The following POLD1 variants were observed in gnomAD, a reference collection of about 807,000 sequenced individuals.
POLD1 encodes the protein DNA polymerase delta catalytic subunit.
POLD1 carries 79 observed loss-of-function variants against 129.7 expected under a neutral mutation model. That is an observed-to-expected ratio of 0.61 (90% CI 0.51 to 0.73). The LOEUF is 0.73. Among genes scored for constraint, POLD1 ranks in the 30% least tolerant of loss-of-function variants. The pLI, the probability that POLD1 is intolerant of heterozygous loss-of-function variation, is 0.00. For missense variants in POLD1, 1,338 were observed against 1,595.8 expected (o/e 0.84, Z 2.75); for synonymous variants, 714 against 683.3 (o/e 1.04, Z -0.70).
chr19:50,415,886 G>T, intron 22 of POLD1, 60 bp downstream of exon 22: 1 of 1,251,502 alleles, frequency 8.0e-7, no homozygotes, highest in South Asian at 1.5e-5. Flanking sequence ...TCTGCTTTCC[G>T]AGATGGGCGG....
intron 3 of POLD1, among the ~76,000 whole-genome samples, chr19:50,400,338 A>ACT (rs1388502817): frequency 1.4e-5 from 2 of 144,750 alleles, no homozygotes; most frequent in African/African-American, 5.2e-5. Flanking sequence ...CTTCTTCCTC[A>ACT]GCCTCCCAAG....
intron 10 of POLD1, among the ~76,000 whole-genome samples, 180 bp downstream of exon 10, chr19:50,403,777 C>G (rs1001785033): frequency 1.3e-5 from 2 of 152,318 alleles, no homozygotes; most frequent in Non-Finnish European, 2.9e-5. Context: ...GAAAAAGTTA[C>G]TGTGGCTTTT....
Position 50,415,252 on chromosome 19 carries a change from C to T in POLD1, c.2565-186C>T, listed in dbSNP as rs565945790. Reference sequence around the variant, plus strand: ...TCGGTGGTGAAGCAGTGGAAAGAGTCGGCTTGGGCAGCTGTGGGTTCAGGC... The same window carrying T: ...TCGGTGGTGAAGCAGTGGAAAGAGTTGGCTTGGGCAGCTGTGGGTTCAGGC... On this transcript the variant is annotated intron_variant, in intron 20 of 26. Transcript: ENST00000440232. 9.9e-5 allele frequency among the ~76,000 whole-genome samples: 15 copies of T among 152,270 alleles called. No homozygotes were observed. In the South Asian group the frequency reaches 2.5e-3, roughly 25 times the overall value.
chr19:50,406,302 G>A lies in POLD1; in HGVS notation c.1363G>A (p.Val455Met), dbSNP rs762670703. Residue 455 changes from valine to methionine, a missense_variant, in exon 11 of 27, where the codon GTG (valine) becomes ATG (methionine). Around this residue, in one of 3 missense-constraint regions of POLD1, gnomAD observed 720 missense variants for 1,002.6 expected, o/e 0.72. Transcript: ENST00000440232. This position sits in a 1 kb window ranked among gnomAD's most constrained non-coding sequence, Gnocchi z 5.5. ...DTKVVSMVGR[V>M]QMDMLQVLLR... ...CAAGGTTGTCAGCATGGTGGGCCGC[G>A]TGCAGATGGACATGCTGCAGGTATG... 1.3e-5 allele frequency: 21 copies of A among 1,613,852 alleles called. No homozygotes were observed. Among genetic ancestry groups the A allele is most frequent in the South Asian group, 3.3e-5 (3 of 91,094 alleles).
intron 17 of POLD1, among the ~76,000 whole-genome samples, chr19:50,410,533 CAGAG>C (rs3219412): frequency 0.01 from 1,543 of 152,244 alleles, 20 homozygotes; most frequent in African/African-American, 0.035. Flanking sequence ...TAGAAGTACT[CAGAG>C]AGCAGAAAAG....
At chr19:50,417,357 C>T (rs879769322) in intron 26 of POLD1, 88 bp downstream of exon 26, 1 of 830,870 alleles carries the variant, frequency 1.2e-6, no homozygotes, top group Non-Finnish European at 1.9e-6. Context: ...GACTCCAAGG[C>T]CTCTCCTGAG....
intron 24 of POLD1, 115 bp from the exon 25 acceptor site, chr19:50,416,930 C>A: frequency 8.2e-7 from 1 of 1,216,320 alleles, no homozygotes; most frequent in South Asian, 1.5e-5. Flanking sequence ...CACACTTGCT[C>A]CGTTGTTCTC....
chr19:50,402,238 C>A lies in POLD1; in HGVS notation c.623C>A (p.Pro208Gln), dbSNP rs774030917. The A allele has an allele frequency of 1.3e-6, 2 of 1,592,618 alleles. No individual in the cohort carries two copies. Among genetic ancestry groups the A allele is most frequent in the Admixed American group, 3.4e-5 (2 of 58,014 alleles). The part of the protein sequence containing the change: ...MFGYHGHGPS[P>Q]FLRITVALPR... ...GGGTACCACGGGCACGGCCCCTCCCCGTTCCTGCGCATCACCGTGGCGCTG... is the reference window on the plus strand; with the variant it reads ...GGGTACCACGGGCACGGCCCCTCCCAGTTCCTGCGCATCACCGTGGCGCTG... Residue 208 changes from proline to glutamine, a missense_variant, in exon 6 of 27, where the codon CCG becomes CAG. Coordinates refer to ENST00000440232, the MANE Select transcript of POLD1 (RefSeq NM_002691.4).
intron 10 of POLD1, among the ~76,000 whole-genome samples, chr19:50,405,323 G>A (rs537373254): frequency 1.3e-5 from 2 of 152,352 alleles, no homozygotes; most frequent in African/African-American, 4.8e-5. Context: ...TACATTCTGA[G>A]GTGCCGGGGG....
chr19:50,408,086 C>T (rs1467273623), intron 14 of POLD1, among the ~76,000 whole-genome samples: 1 of 150,500 alleles, frequency 6.6e-6, no homozygotes, highest in African/African-American at 2.4e-5. Flanking sequence ...TAATCAATCC[C>T]AGCACTTTGG....
chr19:50,402,919 G>C, intron 8 of POLD1, 134 bp from the exon 9 acceptor site: 1 of 1,350,002 alleles, frequency 7.4e-7, no homozygotes, highest in South Asian at 1.4e-5. Context: ...GGTGAGAGCA[G>C]AGCAGGAGCC....
Position 50,417,827 on chromosome 19 carries a change from T to TGCCCCC in POLD1, c.3219-14_3219-9dup, listed in dbSNP as rs2122520630. 1 of 1,551,996 alleles carries TGCCCCC rather than the reference T, an allele frequency of 6.4e-7. No individual in the cohort carries two copies. The highest frequency in any genetic ancestry group is 8.8e-7 in the Non-Finnish European group (1 of 1,137,764). On this transcript the variant is annotated splice_polypyrimidine_tract_variant and intron_variant, in intron 26 of 26. Coordinates refer to ENST00000440232, the MANE Select transcript of POLD1 (RefSeq NM_002691.4). ...CCTTGGCTGGTCCTGACCCTGCCCCTGCCCCCACCCGCAGCCGGGACTGCC... is the reference window on the plus strand; with the variant it reads ...CCTTGGCTGGTCCTGACCCTGCCCCTGCCCCCGCCCCCACCCGCAGCCGGGACTGCC...
At chr19:50,390,802 C>T (rs577380365) in intron 1 of POLD1, among the ~76,000 whole-genome samples, 116 of 152,226 alleles carry the variant, frequency 7.6e-4, no homozygotes, top group Non-Finnish European at 1.2e-3. Flanking sequence ...TGCCTTCAAG[C>T]ATCTGTTTAA....
intron 17 of POLD1, among the ~76,000 whole-genome samples, chr19:50,412,843 C>T (rs1274605): frequency 0.033 from 5,012 of 152,210 alleles, 277 homozygotes; most frequent in African/African-American, 0.11. Context: ...CTCCTGACCT[C>T]AAGTGATCCA....
At position 50,417,915 on chromosome 19, in the gene POLD1, C is replaced by T. The variant is rs1445817375; in HGVS notation, c.3292C>T (p.Arg1098Cys). ...DLEDQEQLLR[R>C]FGPPGPEAW ...GGAAGACCAGGAGCAGCTCCTGCGG[C>T]GCTTCGGACCCCCTGGACCTGAGGC... The change falls in exon 27 of 27, where the codon CGC becomes TGC. Residue 1098 changes from arginine to cysteine, a missense_variant. Around this residue, in one of 3 missense-constraint regions of POLD1, gnomAD observed 286 missense variants for 277.5 expected, o/e 1.03. Coordinates refer to ENST00000440232, the MANE Select transcript of POLD1 (RefSeq NM_002691.4). 16 of 1,610,876 alleles carry T rather than the reference C, an allele frequency of 9.9e-6. No individual in the cohort carries two copies. The highest frequency in any genetic ancestry group is 2.2e-5 in the East Asian group (1 of 44,824).
chr19:50,414,802 G>A lies in POLD1; in HGVS notation c.2389-13G>A, dbSNP rs2039212946. 6.6e-7 allele frequency: 1 copy of A among 1,517,558 alleles called. No individual in the cohort carries two copies. The highest frequency in any genetic ancestry group is 8.9e-7 in the Non-Finnish European group (1 of 1,125,334). 94.0% of individuals were successfully genotyped at this position (1,517,558 alleles called of 1,614,324 possible). A position where few individuals can be genotyped will look rare whatever the true frequency, so the allele number is the denominator to read the frequency against. On this transcript the variant is annotated splice_polypyrimidine_tract_variant and intron_variant, in intron 19 of 26. Transcript: ENST00000440232. ...TCCTCAGGCTCAGGGTCTTGGCCATGGCTCCCTCCCAGGTCTACTTCCCAT... is the reference window on the plus strand; with the variant it reads ...TCCTCAGGCTCAGGGTCTTGGCCATAGCTCCCTCCCAGGTCTACTTCCCAT...
At chr19:50,395,617 G>A (rs1437417290) in intron 1 of POLD1, among the ~76,000 whole-genome samples, 1 of 151,760 alleles carries the variant, frequency 6.6e-6, no homozygotes, top group Non-Finnish European at 1.5e-5. Flanking sequence ...AAGAACACCT[G>A]CACGCCCTTT....
In POLD1 at chr19:50,409,143, C is replaced by T. The variant is rs2039003508; in HGVS notation, c.1914C>T (p.Ile638=). The stretch of plus-strand genomic sequence containing the variant: ...CCAGCCTGACTGAGGATCAGTTCAT[C>T]AGGACCCCCACCGGGGACGAGTTTG... ...QKLGLTEDQF[I]RTPTGDEFVK... The change falls in exon 16 of 27, where the codon ATC becomes ATT. Residue 638 remains isoleucine (I), a synonymous_variant. Coordinates refer to ENST00000440232, the MANE Select transcript of POLD1 (RefSeq NM_002691.4). This position sits in a 1 kb window ranked among gnomAD's most constrained non-coding sequence, Gnocchi z 5.8. 1.9e-6 allele frequency: 3 copies of T among 1,612,856 alleles called. No homozygotes were observed. Among genetic ancestry groups the T allele is most frequent in the Middle Eastern group, 1.6e-4 (1 of 6,062 alleles).
intron 26 of POLD1, 152 bp from the exon 27 acceptor site, chr19:50,417,690 C>T (rs1183524572): frequency 9.4e-6 from 4 of 426,772 alleles, no homozygotes; most frequent in East Asian, 5.1e-5. Flanking sequence ...CCACCCCCCC[C>T]GTGCCTGCTG....
Sources: allele counts gnomAD v4.1 joint callset (sites outside exome capture counted in the v4.1 genomes callset), GRCh38; gene constraint gnomAD v4.1.1; regional missense constraint gnomAD v4.1.1; non-coding constraint Gnocchi (gnomAD v3.1); transcripts MANE v1.5; gene names NCBI Gene and HGNC (gene_info 2026-07-23, HGNC 2026-07-21).